ZNF831: variants seen among roughly 807,000 people sequenced by gnomAD.
The protein encoded by ZNF831 is zinc finger protein 831.
ZNF831 carries 59 observed loss-of-function variants against 95.8 expected under a neutral mutation model. That is an observed-to-expected ratio of 0.62 (90% CI 0.50 to 0.77). ZNF831 has a LOEUF of 0.77. Ranked by LOEUF, ZNF831 falls within the 30% of genes least tolerant of loss-of-function variation. The probability of loss-of-function intolerance (pLI) is 0.00; values close to 1 mark genes in which losing one functional copy is unlikely to be tolerated. For synonymous variants in ZNF831, 961 were observed against 925.5 expected (o/e 1.04, Z -0.70); for missense variants, 2,205 against 2,164.0 (o/e 1.02, Z -0.38).
intron 1 of ZNF831, among the ~76,000 whole-genome samples, chr20:59,129,828 A>T (rs1979293923): frequency 6.6e-6 from 1 of 152,198 alleles, no homozygotes; most frequent in Admixed American, 6.5e-5. Context: ...CTCAGCACAA[A>T]GTCCCTGAGA....
intron 1 of ZNF831, among the ~76,000 whole-genome samples, chr20:59,167,092 T>C (rs998908014): frequency 1.3e-5 from 2 of 152,240 alleles, no homozygotes; most frequent in African/African-American, 4.8e-5. Flanking sequence ...TCGCCAGCAT[T>C]TGCTGTTTCA....
At chr20:59,189,374 T>C (rs947103332) in intron 1 of ZNF831, among the ~76,000 whole-genome samples, 4 of 152,204 alleles carry the variant, frequency 2.6e-5, no homozygotes, top group Admixed American at 2.6e-4. Context: ...ATGTAACGTA[T>C]CTTTTAATTA....
chr20:59,237,449 C>T (rs187351445), intron 4 of ZNF831, among the ~76,000 whole-genome samples: 29 of 152,228 alleles, frequency 1.9e-4, no homozygotes, highest in Middle Eastern at 3.4e-3. Context: ...CAGGTTCAAG[C>T]GATTCTCCTG....
intron 1 of ZNF831, among the ~76,000 whole-genome samples, chr20:59,184,370 C>T (rs183825568): frequency 4.6e-5 from 7 of 152,194 alleles, no homozygotes; most frequent in Admixed American, 4.6e-4. Context: ...CAGTTTTCAA[C>T]TCACTGGGCA....
intron 1 of ZNF831, among the ~76,000 whole-genome samples, chr20:59,171,946 C>T (rs259982): frequency 6.6e-6 from 1 of 152,086 alleles, no homozygotes; most frequent in Non-Finnish European, 1.5e-5. Flanking sequence ...AGTTGTTCCA[C>T]TATGTGGCAA....
chr20:59,214,917 T>G lies in ZNF831; in HGVS notation c.4027+7861T>G, dbSNP rs543212811. On this transcript the variant is annotated intron_variant, in intron 4 of 5. Coordinates refer to ENST00000371030, the MANE Select transcript of ZNF831 (RefSeq NM_178457.3). Reference sequence around the variant, plus strand: ...TGCCCATCAACATACAGCCTTATTATCATTCTCCTAATATGACAGTTATTG... The same window carrying G: ...TGCCCATCAACATACAGCCTTATTAGCATTCTCCTAATATGACAGTTATTG... 5.3e-5 allele frequency among the ~76,000 whole-genome samples: 8 copies of G among 152,368 alleles called. No homozygotes were observed. The South Asian group carries it at 1.7e-3, about 32-fold the overall frequency.
At chr20:59,145,718 T>C (rs1363686034) in intron 1 of ZNF831, among the ~76,000 whole-genome samples, 1 of 152,178 alleles carries the variant, frequency 6.6e-6, no homozygotes, top group Non-Finnish European at 1.5e-5. Flanking sequence ...AGCAAGACCC[T>C]GGAGGAGAGA....
rs114604989 is a variant in ZNF831 at position 59,192,632 on chromosome 20, G to A, written c.1613G>A (p.Gly538Asp). The A allele has an allele frequency of 8.3e-4, 1,246 of 1,498,698 alleles. 12 individuals carry two copies. The African/African-American group carries it at 0.016, about 20-fold the overall frequency. The allele number at this position is 1,498,698 out of a possible 1,614,324, so 92.8% of individuals were successfully genotyped here. Residue 538 changes from glycine (G) to aspartate (D), a missense_variant, in exon 2 of 6, where the codon GGC (glycine) becomes GAC (aspartate). By Grantham distance (94) the Gly-to-Asp change is moderately conservative (BLOSUM62 -1). Transcript: ENST00000371030. The surrounding 1 kb of genome is among the most constrained non-coding windows in gnomAD (Gnocchi z 5.2). The part of the protein sequence containing the change: ...RTQKPLSPRP[G>D]PARLGCRSGL... ...CAGAAGCCTCTGAGCCCCAGGCCCG[G>A]CCCAGCCCGCCTGGGCTGCCGCTCG...
At chr20:59,251,009 G>A (rs1987860278) in intron 4 of ZNF831, among the ~76,000 whole-genome samples, 1 of 152,170 alleles carries the variant, frequency 6.6e-6, no homozygotes, top group Admixed American at 6.5e-5. Context: ...GGTAACTATA[G>A]TTAATGACAA....
intron 4 of ZNF831, among the ~76,000 whole-genome samples, chr20:59,240,853 T>C (rs1393282108): frequency 6.6e-6 from 1 of 152,192 alleles, no homozygotes; most frequent in East Asian, 1.9e-4. Context: ...GGAAATACTC[T>C]TCCTTTTTAT....
At chr20:59,159,090 C>T (rs1980700032), upstream of ZNF831, among the ~76,000 whole-genome samples, 1 of 152,038 alleles carries the variant, frequency 6.6e-6, no homozygotes. Context: ...ATTATTATAG[C>T]TTGGGACAAA....
At position 59,192,657 on chromosome 20, in the gene ZNF831, G is replaced by A. The variant is rs562181302; in HGVS notation, c.1638G>A (p.Ser546=). The change falls in exon 2 of 6, where the codon TCG becomes TCA. Residue 546 remains serine, a synonymous_variant. Transcript: ENST00000371030. This position sits in a 1 kb window ranked among gnomAD's most constrained non-coding sequence, Gnocchi z 5.2. ...RPGPARLGCR[S]GLSSTDVPSG... ...GCCCAGCCCGCCTGGGCTGCCGCTC[G>A]GGACTAAGCTCGACTGACGTTCCCA... is the stretch of plus-strand genomic sequence containing the variant. 1.7e-5 allele frequency: 26 copies of A among 1,518,086 alleles called. No individual in the cohort carries two copies. The highest frequency in any genetic ancestry group is 1.2e-4 in the East Asian group (5 of 42,556). The allele number at this position is 1,518,086 out of a possible 1,614,324, so 94.0% of individuals were successfully genotyped here. A position where few individuals can be genotyped will look rare whatever the true frequency, so the allele number is the denominator to read the frequency against.
chr20:59,253,861 C>T, intron 5 of ZNF831, 37 bp from the exon 6 acceptor site: 7 of 1,066,170 alleles, frequency 6.6e-6, no homozygotes, highest in Middle Eastern at 3.8e-4. Flanking sequence ...AATTAACCTC[C>T]CCCCCCACTT....
At chr20:59,224,996 T>C (rs1201524367) in intron 4 of ZNF831, among the ~76,000 whole-genome samples, 1 of 152,142 alleles carries the variant, frequency 6.6e-6, no homozygotes, top group African/African-American at 2.4e-5. Context: ...AGTAGAATAC[T>C]GCATGCTTTT....
At chr20:59,137,475 G>C (rs1979545960) in intron 1 of ZNF831, among the ~76,000 whole-genome samples, 1 of 152,028 alleles carries the variant, frequency 6.6e-6, no homozygotes, top group Non-Finnish European at 1.5e-5. Context: ...ACCTTTTTAG[G>C]TTCTCTTGGT....
intron 3 of ZNF831, among the ~76,000 whole-genome samples, chr20:59,202,340 A>T (rs3899824): frequency 0.51 from 51,258 of 100,084 alleles, 10,226 homozygotes; most frequent in African/African-American, 0.57. Flanking sequence ...TTTTTTTTTT[A>T]AAAAAAAAAA....
chr20:59,148,453 G>A (rs1488317647), intron 2 of ZNF831, among the ~76,000 whole-genome samples: 1 of 116,830 alleles, frequency 8.6e-6, no homozygotes, highest in African/African-American at 3.4e-5. Context: ...AGGCCGAGAC[G>A]GGCAGATCAC....
At chr20:59,140,918 A>C (rs1568722989) in intron 1 of ZNF831, among the ~76,000 whole-genome samples, 1 of 151,920 alleles carries the variant, frequency 6.6e-6, no homozygotes, top group South Asian at 2.1e-4. Flanking sequence ...TTATTTATTT[A>C]TTGTGGCATC....
intron 4 of ZNF831, among the ~76,000 whole-genome samples, chr20:59,223,326 G>A (rs141410297): frequency 1.3e-5 from 2 of 152,276 alleles, no homozygotes; most frequent in East Asian, 3.9e-4. Context: ...CAGGACTCCC[G>A]GACCCTTCGC....
Sources: gnomAD v4.1 joint callset for allele counts (sites outside exome capture counted in the v4.1 genomes callset) on GRCh38, gnomAD v4.1.1 for gene constraint, Gnocchi (gnomAD v3.1) non-coding constraint, MANE v1.5 for transcripts, NCBI Gene and HGNC (gene_info 2026-07-23, HGNC 2026-07-21) for gene names.